The following NAV1 variants were observed in gnomAD, a reference collection of about 807,000 sequenced individuals.
NAV1 encodes neuron navigator 1.
A neutral mutation model predicts 175.2 loss-of-function variants in NAV1; 18 were observed. That is an observed-to-expected ratio of 0.10 (90% CI 0.07 to 0.15). NAV1 has a LOEUF of 0.15. NAV1 is among the 10% of genes least tolerant of loss of function. The pLI, the probability that NAV1 is intolerant of heterozygous loss-of-function variation, is 1.00. For missense variants in NAV1, 1,731 were observed against 2,436.6 expected (o/e 0.71, Z 6.10); for synonymous variants, 897 against 978.7 (o/e 0.92, Z 1.56).
intron 1 of NAV1, among the ~76,000 whole-genome samples, chr1:201,689,270 A>C (rs764557685): frequency 6.6e-6 from 1 of 152,244 alleles, no homozygotes. Flanking sequence ...ATACGAATCC[A>C]ATTATGAATC....
intron 2 of NAV1, among the ~76,000 whole-genome samples, chr1:201,598,759 G>A (rs986591068): frequency 5.9e-5 from 9 of 152,194 alleles, no homozygotes; most frequent in African/African-American, 1.7e-4. Context: ...GGCAGTCATC[G>A]TGTTGCCATT....
intron 2 of NAV1, among the ~76,000 whole-genome samples, chr1:201,612,159 G>A (rs1036562045): frequency 7.2e-5 from 11 of 152,236 alleles, no homozygotes; most frequent in African/African-American, 2.6e-4. Context: ...TGGGCAATTT[G>A]TAAACAACAG....
At chr1:201,777,564 C>G (rs1280245311) in intron 3 of NAV1, among the ~76,000 whole-genome samples, 1 of 147,794 alleles carries the variant, frequency 6.8e-6, no homozygotes, top group East Asian at 2.0e-4. Context: ...TTTTTTTTAA[C>G]AAAAGGTCTT....
rs1464389729 is a variant in NAV1 at position 201,539,752 on chromosome 1, A to G, written c.-144+410A>G. On this transcript the variant is annotated intron_variant, in intron 1 of 33. Transcript: ENST00000685211. The surrounding 1 kb of genome is among the most constrained non-coding windows in gnomAD (Gnocchi z 5.6). ...CACCCACACGGCAAGCACACACCCT[A>G]CCCGCACCTCTGCCTTTCGTTGAAG... 6.6e-6 allele frequency among the ~76,000 whole-genome samples: 1 copy of G among 151,992 alleles called. No homozygotes were observed. The highest frequency in any genetic ancestry group is 2.4e-5 in the African/African-American group (1 of 41,372).
intron 13 of NAV1, chr1:201,791,009 CT>C: frequency 2.1e-6 from 1 of 487,608 alleles, no homozygotes. Flanking sequence ...GAGTTCATGT[CT>C]GATGGGCTGA....
intron 1 of NAV1, among the ~76,000 whole-genome samples, chr1:201,678,594 G>A (rs1010689207): frequency 6.6e-6 from 1 of 152,156 alleles, no homozygotes; most frequent in African/African-American, 2.4e-5. Flanking sequence ...CCCCTTCAGC[G>A]AAGAAGAAAG....
rs1293500930 is a variant in NAV1, at chr1:201,790,662, T to C, written c.3244-27T>C. The stretch of plus-strand genomic sequence containing the variant: ...AATCTTATACAGCTTCTGCAGCCAG[T>C]AGTTTGTATTTCTCTTCCTTTTACA... On this transcript the variant is annotated intron_variant, in intron 12 of 29. Transcript: ENST00000367296. 3 of 1,613,832 alleles carry C rather than the reference T, an allele frequency of 1.9e-6. No homozygotes were observed. The Admixed American group carries it at 5.0e-5, about 27-fold the overall frequency.
At chr1:201,781,365 C>T (rs185125171) in intron 5 of NAV1, 56 bp downstream of exon 9, 1 of 1,487,456 alleles carries the variant, frequency 6.7e-7, no homozygotes, top group East Asian at 2.3e-5. Flanking sequence ...TTGGTTGCTC[C>T]TCTTCTTAGT....
chr1:201,610,262 G>C (rs894415592), intron 2 of NAV1, among the ~76,000 whole-genome samples: 1 of 152,200 alleles, frequency 6.6e-6, no homozygotes, highest in African/African-American at 2.4e-5. Context: ...AAGGAACTGG[G>C]GATACTGAAA....
Position 201,788,956 on chromosome 1 carries a change from C to CCATA in NAV1, c.3166+319_3166+322dup, listed in dbSNP as rs1676941785. Among the ~76,000 whole-genome samples, 1 of 152,172 alleles carries CCATA rather than the reference C, an allele frequency of 6.6e-6. No individual in the cohort carries two copies. The highest frequency in any genetic ancestry group is 2.4e-5 in the African/African-American group (1 of 41,430). On this transcript the variant is annotated intron_variant, in intron 10 of 29. Coordinates refer to ENST00000367296, the Ensembl canonical transcript of NAV1. This position sits in a 1 kb window ranked among gnomAD's most constrained non-coding sequence, Gnocchi z 5.7. Reference sequence around the variant, plus strand: ...ACAGCTTCTCTCCTCCTCATTCTAGCCATAGTCTTTCCTCCCCACAGTCTC... The same window carrying CCATA: ...ACAGCTTCTCTCCTCCTCATTCTAGCCATACATAGTCTTTCCTCCCCACAGTCTC...
intron 15 of NAV1, chr1:201,794,792 A>C: frequency 1.8e-6 from 1 of 562,382 alleles, no homozygotes; most frequent in East Asian, 3.0e-5. Flanking sequence ...AGTAGAGGAG[A>C]CCTGTAAGCC....
At chr1:201,567,442 G>T (rs966688896) in intron 1 of NAV1, among the ~76,000 whole-genome samples, 1 of 152,238 alleles carries the variant, frequency 6.6e-6, no homozygotes, top group Non-Finnish European at 1.5e-5. Context: ...CACTGGGATG[G>T]AGTCTGCACA....
At position 201,810,427 on chromosome 1, in the gene NAV1, AG is replaced by A; in HGVS notation, c.4562-91del. 2 of 1,203,624 alleles carry A rather than the reference AG, an allele frequency of 1.7e-6. No individual in the cohort carries two copies. Among genetic ancestry groups the A allele is most frequent in the Non-Finnish European group, 2.3e-6 (2 of 861,438 alleles). The allele number at this position is 1,203,624 out of a possible 1,614,324, so 74.6% of individuals were successfully genotyped here. A position where few individuals can be genotyped will look rare whatever the true frequency, so the allele number is the denominator to read the frequency against. On this transcript the variant is annotated intron_variant, in intron 23 of 29. Transcript: ENST00000367296. The surrounding 1 kb of genome is among the most constrained non-coding windows in gnomAD (Gnocchi z 6.0). Reference sequence around the variant, plus strand: ...GGGGCAAGTGGCTCTGAGTTTCTTCAGGGGGCTCCTAGATAAAGAAAGAAAA... The same window carrying A: ...GGGGCAAGTGGCTCTGAGTTTCTTCAGGGGCTCCTAGATAAAGAAAGAAAA...
intron 1 of NAV1, among the ~76,000 whole-genome samples, chr1:201,689,244 C>T (rs528726036): frequency 3.3e-5 from 5 of 152,328 alleles, no homozygotes; most frequent in Admixed American, 1.3e-4. Flanking sequence ...CCAACTTTTA[C>T]TGCACAAATT....
intron 13 of NAV1, chr1:201,792,168 A>G (rs1347768481): frequency 6.6e-6 from 1 of 151,970 alleles, no homozygotes; most frequent in Admixed American, 6.6e-5. Context: ...TGGGTTCTGC[A>G]TCTTAAAGGC....
chr1:201,783,058 C>T (rs1221845613), intron 6 of NAV1, among the ~76,000 whole-genome samples, 189 bp downstream of exon 10: 1 of 152,198 alleles, frequency 6.6e-6, no homozygotes, highest in African/African-American at 2.4e-5. Context: ...TTCTGAAAGA[C>T]TGAATCCCTC....
intron 1 of NAV1, among the ~76,000 whole-genome samples, chr1:201,556,581 T>C (rs928911784): frequency 6.6e-6 from 1 of 152,044 alleles, no homozygotes; most frequent in African/African-American, 2.4e-5. Flanking sequence ...AGGAATTAAG[T>C]CAGGCAAAGA....
At position 201,712,809 on chromosome 1, in the gene NAV1, C is replaced by T. The variant is rs769690938; in HGVS notation, c.758-8C>T. 7 of 1,602,594 alleles carry T rather than the reference C, an allele frequency of 4.4e-6. No individual in the cohort carries two copies. The South Asian group carries it at 7.7e-5, about 18-fold the overall frequency. ...CACTCACCCAGCTCTTCCTTCTCTC[C>T]CTACCAGACCCAGAGTCCCAGAGAA... On this transcript the variant is annotated splice_polypyrimidine_tract_variant and splice_region_variant and intron_variant, in intron 1 of 29. Transcript: ENST00000367296.
chr1:201,738,525 C>T (rs925148125), intron 3 of NAV1, among the ~76,000 whole-genome samples: 8 of 151,900 alleles, frequency 5.3e-5, no homozygotes, highest in African/African-American at 1.7e-4. Flanking sequence ...ACCTGTGGGC[C>T]GAAAATAGTA....
Sources: gnomAD v4.1 joint callset for allele counts (sites outside exome capture counted in the v4.1 genomes callset) on GRCh38, gnomAD v4.1.1 for gene constraint, Gnocchi (gnomAD v3.1) non-coding constraint, MANE v1.5 for transcripts, NCBI Gene and HGNC (gene_info 2026-07-23, HGNC 2026-07-21) for gene names.